The following PRKCB variants were observed in gnomAD, a reference collection of about 807,000 sequenced individuals.
PRKCB encodes the protein protein kinase C beta.
A neutral mutation model predicts 81.5 loss-of-function variants in PRKCB; 13 were observed. That is an observed-to-expected ratio of 0.16 (90% CI 0.10 to 0.25). PRKCB has a LOEUF of 0.25. Ranked by LOEUF, PRKCB falls within the 10% of genes least tolerant of loss-of-function variation. The pLI is 1.00. For synonymous variants in PRKCB, 335 were observed against 321.4 expected, an observed-to-expected ratio of 1.04 and a Z score of -0.45; for missense variants, 509 against 875.7, an observed-to-expected ratio of 0.58 and a Z score of 5.29.
intron 5 of PRKCB, among the ~76,000 whole-genome samples, chr16:24,076,866 T>G (rs9928487): frequency 0.048 from 7,240 of 152,170 alleles, 508 homozygotes; most frequent in African/African-American, 0.15. Flanking sequence ...GTCTATCTCA[T>G]CTGTGTACCC....
chr16:24,102,955 A>C (rs1966526996), intron 7 of PRKCB, among the ~76,000 whole-genome samples: 1 of 152,058 alleles, frequency 6.6e-6, no homozygotes, highest in South Asian at 2.1e-4. Context: ...GTGCAGTGGC[A>C]CAGTCTCTGC....
intron 5 of PRKCB, among the ~76,000 whole-genome samples, chr16:24,073,791 A>T (rs1487522255): frequency 6.6e-6 from 1 of 152,122 alleles, no homozygotes; most frequent in Admixed American, 6.5e-5. Context: ...AAATATGTTG[A>T]TCTTTTCCAG....
At chr16:24,144,408 C>T (rs966212033) in intron 9 of PRKCB, among the ~76,000 whole-genome samples, 2 of 152,188 alleles carry the variant, frequency 1.3e-5, no homozygotes, top group Non-Finnish European at 2.9e-5. Context: ...AAGTGATACT[C>T]CTGCCTCAGC....
At chr16:23,992,048 C>T (rs1445105487) in intron 3 of PRKCB, among the ~76,000 whole-genome samples, 2 of 152,186 alleles carry the variant, frequency 1.3e-5, no homozygotes, top group African/African-American at 4.8e-5. Context: ...ATAAAAAAGA[C>T]CCCAGAGATA....
In PRKCB at chr16:23,899,777, G is replaced by C. The variant is rs1025288908; in HGVS notation, c.205+62371G>C. ...CTCAGCCTTCTGAGGAGCTGGGACC[G>C]TAGGCACGTGCCACCAGGCCCAGCA... On this transcript the variant is annotated intron_variant, in intron 2 of 16. Transcript: ENST00000643927. Among the ~76,000 whole-genome samples, 27 of 39,644 alleles carry C rather than the reference G, an allele frequency of 6.8e-4. 10 individuals carry two copies. The highest frequency in any genetic ancestry group is 2.9e-3 in the South Asian group (5 of 1,728). 26.0% of individuals were successfully genotyped at this position (39,644 alleles called of 152,430 possible).
At chr16:23,954,004 G>A (rs1964317398) in intron 2 of PRKCB, among the ~76,000 whole-genome samples, 1 of 151,808 alleles carries the variant, frequency 6.6e-6, no homozygotes, top group East Asian at 1.9e-4. Context: ...AAGTAGCTGA[G>A]ATTACAGGCA....
chr16:23,887,072 T>A (rs1963214852), intron 2 of PRKCB, among the ~76,000 whole-genome samples: 1 of 152,216 alleles, frequency 6.6e-6, no homozygotes, highest in African/African-American at 2.4e-5. Flanking sequence ...CCTTCTTTCT[T>A]TCTCTCTCTT....
intron 2 of PRKCB, among the ~76,000 whole-genome samples, chr16:23,933,514 C>A (rs548500806): frequency 6.6e-6 from 1 of 152,162 alleles, no homozygotes; most frequent in Non-Finnish European, 1.5e-5. Context: ...AAAGAGCATG[C>A]ATTGTTGGGG....
intron 2 of PRKCB, among the ~76,000 whole-genome samples, chr16:23,945,223 G>A (rs1964189007): frequency 6.6e-6 from 1 of 152,152 alleles, no homozygotes; most frequent in South Asian, 2.1e-4. Flanking sequence ...ATAAGAACAT[G>A]AAAGGCCTGG....
At chr16:23,926,867 T>G (rs1173461523) in intron 2 of PRKCB, among the ~76,000 whole-genome samples, 2 of 152,086 alleles carry the variant, frequency 1.3e-5, no homozygotes, top group African/African-American at 4.8e-5. Flanking sequence ...GCTCCCAAGC[T>G]TCAAAAAATT....
intron 10 of PRKCB, among the ~76,000 whole-genome samples, chr16:24,170,001 C>T (rs960505540): frequency 1.3e-5 from 2 of 152,112 alleles, no homozygotes; most frequent in Admixed American, 1.3e-4. Context: ...AGGCTGGTCT[C>T]GAGCTCCTGA....
chr16:23,839,977 G>A (rs561302345), intron 2 of PRKCB, among the ~76,000 whole-genome samples: 2 of 152,286 alleles, frequency 1.3e-5, no homozygotes, highest in South Asian at 4.1e-4. Flanking sequence ...TCAAAACTCA[G>A]CCATGAACTT....
At chr16:24,072,588 C>CTTTTTTTT (rs1200526403) in intron 5 of PRKCB, among the ~76,000 whole-genome samples, 1 of 143,838 alleles carries the variant, frequency 7.0e-6, no homozygotes, top group Non-Finnish European at 1.5e-5. Context: ...CTCTCTCTCT[C>CTTTTTTTT]TTTTTTTTTT....
intron 7 of PRKCB, among the ~76,000 whole-genome samples, chr16:24,108,930 C>G (rs1365921323): frequency 3.3e-5 from 5 of 149,322 alleles, no homozygotes; most frequent in Admixed American, 2.0e-4. Context: ...TAGGGGCGGC[C>G]GGGCAGAGGC....
chr16:24,078,716 C>G (rs1966211807), intron 5 of PRKCB, among the ~76,000 whole-genome samples: 1 of 152,238 alleles, frequency 6.6e-6, no homozygotes, highest in African/African-American at 2.4e-5. Context: ...TGTGAGAGCT[C>G]AAAGGTGGAC....
intron 4 of PRKCB, among the ~76,000 whole-genome samples, chr16:24,032,593 G>C (rs1000674747): frequency 6.6e-6 from 1 of 152,200 alleles, no homozygotes; most frequent in Non-Finnish European, 1.5e-5. Flanking sequence ...TCACCCACAT[G>C]TCCTGGAGGA....
At chr16:24,127,870 G>T (rs1012291689) in intron 9 of PRKCB, among the ~76,000 whole-genome samples, 8 of 152,046 alleles carry the variant, frequency 5.3e-5, no homozygotes, top group Admixed American at 1.3e-4. Flanking sequence ...TGCCAACTAG[G>T]GTTGTAAATT....
intron 2 of PRKCB, among the ~76,000 whole-genome samples, chr16:23,894,425 A>G (rs1963340133): frequency 6.6e-6 from 1 of 152,216 alleles, no homozygotes; most frequent in South Asian, 2.1e-4. Context: ...CTCTCCAGAG[A>G]AATTGTAACT....
intron 2 of PRKCB, among the ~76,000 whole-genome samples, chr16:23,843,156 G>A (rs935596955): frequency 1.1e-4 from 17 of 152,114 alleles, no homozygotes; most frequent in African/African-American, 4.1e-4. Flanking sequence ...ATTTTATTTT[G>A]GGCAGTGTTC....
Sources: allele counts gnomAD v4.1 joint callset (sites outside exome capture counted in the v4.1 genomes callset), GRCh38; gene constraint gnomAD v4.1.1; transcripts MANE v1.5; gene names NCBI Gene and HGNC (gene_info 2026-07-23, HGNC 2026-07-21).